The following DERL2 variants were observed in gnomAD, a reference collection of about 807,000 sequenced individuals.
DERL2 encodes the protein derlin 2, also known as derlin-2.
Under a neutral mutation model 32.0 loss-of-function variants are expected in DERL2, and 13 were observed. That is an observed-to-expected ratio of 0.41 (90% confidence interval 0.26 to 0.65). DERL2 has a LOEUF of 0.65. DERL2 is among the 30% of genes least tolerant of loss of function. The probability of loss-of-function intolerance (pLI) is 0.35; values close to 1 mark genes in which losing one functional copy is unlikely to be tolerated. For missense variants in DERL2, 208 were observed against 296.3 expected, an observed-to-expected ratio of 0.70 and a Z score of 2.19; for synonymous variants, 111 against 104.7, an observed-to-expected ratio of 1.06 and a Z score of -0.37.
intron 6 of DERL2, among the ~76,000 whole-genome samples, chr17:5,479,136 T>C (rs920784591): frequency 4.6e-5 from 7 of 152,160 alleles, no homozygotes; most frequent in African/African-American, 1.4e-4. Context: ...GCAGTGGCTA[T>C]GTTAAAGGCC....
chr17:5,486,227 C>T (rs1178529321), upstream of DERL2: 13 of 1,228,332 alleles, frequency 1.1e-5, no homozygotes, highest in Middle Eastern at 1.0e-3. Context: ...CAGGCCCCGG[C>T]GGCGGGGCGG....
intron 1 of DERL2, 102 bp downstream of exon 1, chr17:5,485,967 G>A (rs370284814): frequency 5.6e-6 from 6 of 1,063,550 alleles, no homozygotes; most frequent in African/African-American, 3.2e-5. Flanking sequence ...CCCATCCCCG[G>A]GACCAGCCCC....
chr17:5,474,711 C>T lies in DERL2; in HGVS notation c.693G>A (p.Trp231Ter). ...LPEERPGGFAWGEGQRLGG is the reference protein window; with the variant it reads ...LPEERPGGFA ...AACCTCCAAGCCGCTGGCCCTCACC[C>T]CAGGCGAAGCCTCCTGGCCGTTCCT... The change falls in exon 7 of 7, where the codon TGG becomes TGA. Residue 231 changes from tryptophan to a stop codon, truncating the protein, a stop_gained. Transcript: ENST00000158771. LOFTEE classifies it high-confidence loss of function. The surrounding 1 kb of genome is among the most constrained non-coding windows in gnomAD (Gnocchi z 4.3). 1 of 1,612,826 alleles carries T rather than the reference C, an allele frequency of 6.2e-7. No individual in the cohort carries two copies. The highest frequency in any genetic ancestry group is 8.5e-7 in the Non-Finnish European group (1 of 1,179,584).
At chr17:5,484,709 A>AT (rs956929866) in intron 2 of DERL2, among the ~76,000 whole-genome samples, 1 of 152,254 alleles carries the variant, frequency 6.6e-6, no homozygotes, top group Non-Finnish European at 1.5e-5. Context: ...GACCATGGTG[A>AT]TAACACCAAG....
intron 6 of DERL2, among the ~76,000 whole-genome samples, chr17:5,478,408 C>CA: frequency 6.6e-6 from 1 of 152,042 alleles, no homozygotes; most frequent in Admixed American, 6.5e-5. Flanking sequence ...GAAATTGTTT[C>CA]AAAACATTTT....
At chr17:5,485,773 T>G in intron 1 of DERL2, 1 of 342,036 alleles carries the variant, frequency 2.9e-6, no homozygotes, top group Non-Finnish European at 5.3e-6. Flanking sequence ...CACCTGGCCA[T>G]TGGCAGAGCT....
At position 5,472,079 on chromosome 17, in the gene DERL2, C is replaced by A. The variant is rs1040573400; in HGVS notation, c.*2605G>T. ...AAATCCATACTGGAAAAAAACGCACCGAAATGTATATAAAATGTATCTCCT... is the reference window on the plus strand; with the variant it reads ...AAATCCATACTGGAAAAAAACGCACAGAAATGTATATAAAATGTATCTCCT... On this transcript the variant is annotated 3_prime_UTR_variant, in exon 7 of 7. Coordinates refer to ENST00000158771, the MANE Select transcript of DERL2 (RefSeq NM_016041.5). 6.6e-6 allele frequency: 1 copy of A among 152,014 alleles called. No homozygotes were observed. Among genetic ancestry groups the A allele is most frequent in the African/African-American group, 2.4e-5 (1 of 41,358 alleles). The allele number at this position is 152,014 out of a possible 1,614,324, so 9.4% of individuals were successfully genotyped here. A position where few individuals can be genotyped will look rare whatever the true frequency, so the allele number is the denominator to read the frequency against.
intron 6 of DERL2, among the ~76,000 whole-genome samples, chr17:5,479,086 C>T (rs1293504560): frequency 6.6e-6 from 1 of 152,138 alleles, no homozygotes; most frequent in Non-Finnish European, 1.5e-5. Flanking sequence ...TCTCAAAGTG[C>T]TGGGATTACA....
chr17:5,479,484 T>C (rs1411541394), intron 6 of DERL2, among the ~76,000 whole-genome samples: 1 of 108,964 alleles, frequency 9.2e-6, no homozygotes, highest in Non-Finnish European at 1.7e-5. Flanking sequence ...GGTAACAGAG[T>C]GAGACTCCAT....
Position 5,473,653 on chromosome 17 carries a change from G to GAA in DERL2, c.*1030_*1031insTT, listed in dbSNP as rs1351627753. The GAA allele has an allele frequency of 1.1e-5, 1 of 87,010 alleles. No homozygotes were observed. The highest frequency in any genetic ancestry group is 6.6e-5 in the African/African-American group (1 of 15,156). The allele number at this position is 87,010 out of a possible 1,614,324, so 5.4% of individuals were successfully genotyped here. On this transcript the variant is annotated 3_prime_UTR_variant, in exon 7 of 7. Transcript: ENST00000158771. ...CAAAAAACAAAACAAAACAAAAAAG[G>GAA]CAAAAAAAAAAAAAATGGCTGGGCA... is the stretch of plus-strand genomic sequence containing the variant.
At position 5,472,710 on chromosome 17, in the gene DERL2, G is replaced by A. The variant is rs1458305167; in HGVS notation, c.*1974C>T. The stretch of plus-strand genomic sequence containing the variant: ...TTTTACCACAAAAATGCCATTCATT[G>A]CATAACTCCAACTCAGGGAGAACAA... On this transcript the variant is annotated 3_prime_UTR_variant, in exon 7 of 7. Coordinates refer to ENST00000158771, the MANE Select transcript of DERL2 (RefSeq NM_016041.5). The A allele has an allele frequency of 2.6e-5, 4 of 151,856 alleles. No homozygotes were observed. In the Middle Eastern group the frequency reaches 0.014, roughly 517 times the overall value. The allele number at this position is 151,856 out of a possible 1,614,324, so 9.4% of individuals were successfully genotyped here.
chr17:5,474,562 C>T lies in DERL2; in HGVS notation c.*122G>A, dbSNP rs1905269206. On this transcript the variant is annotated 3_prime_UTR_variant, in exon 7 of 7. Transcript: ENST00000158771. This position sits in a 1 kb window ranked among gnomAD's most constrained non-coding sequence, Gnocchi z 4.3. ...AGTCAGTGTACCATTTCATAAAGTG[C>T]TTCTGGAGTTAAAATCTGCCAAGCT... 1 of 702,784 alleles carries T rather than the reference C, an allele frequency of 1.4e-6. No individual in the cohort carries two copies. The highest frequency in any genetic ancestry group is 2.4e-6 in the Non-Finnish European group (1 of 414,880). The allele number at this position is 702,784 out of a possible 1,614,324, so 43.5% of individuals were successfully genotyped here. A position where few individuals can be genotyped will look rare whatever the true frequency, so the allele number is the denominator to read the frequency against.
chr17:5,481,423 C>A lies in DERL2; in HGVS notation c.234-34G>T, dbSNP rs77303673. The A allele has an allele frequency of 1.4e-6, 2 of 1,442,840 alleles. No individual in the cohort carries two copies. Among genetic ancestry groups the A allele is most frequent in the Non-Finnish European group, 1.9e-6 (2 of 1,028,408 alleles). 89.4% of individuals were successfully genotyped at this position (1,442,840 alleles called of 1,614,324 possible). A position where few individuals can be genotyped will look rare whatever the true frequency, so the allele number is the denominator to read the frequency against. ...CCAAGTTAAGAAAATATTAAGCACA[C>A]GAATATGAACAAAGTAAAAATTTAA... On this transcript the variant is annotated intron_variant, in intron 3 of 6. Coordinates refer to ENST00000158771, the MANE Select transcript of DERL2 (RefSeq NM_016041.5). The surrounding 1 kb of genome is among the most constrained non-coding windows in gnomAD (Gnocchi z 4.4).
intron 6 of DERL2, among the ~76,000 whole-genome samples, chr17:5,475,155 T>C (rs1905302827): frequency 6.6e-6 from 1 of 152,244 alleles, no homozygotes; most frequent in South Asian, 2.1e-4. Flanking sequence ...TTTTGTAACC[T>C]GACTTTCACA....
Position 5,474,755 on chromosome 17 carries a change from T to C in DERL2, c.649A>G (p.Asn217Asp). ...AIFDTPDEDP[N>D]YNPLPEERPG... ...CGTTCCTCAGGTAGTGGATTGTAAT[T>C]TGGATCCTCATCTGGTGTATCAAAA... is the stretch of plus-strand genomic sequence containing the variant. The change falls in exon 7 of 7, where the codon AAT becomes GAT. Residue 217 changes from asparagine to aspartate, a missense_variant. Asn to Asp is a conservative substitution (Grantham distance 23). Coordinates refer to ENST00000158771, the MANE Select transcript of DERL2 (RefSeq NM_016041.5). The surrounding 1 kb of genome is among the most constrained non-coding windows in gnomAD (Gnocchi z 4.3). 1.2e-6 allele frequency: 2 copies of C among 1,613,954 alleles called. No individual in the cohort carries two copies. Among genetic ancestry groups the C allele is most frequent in the Non-Finnish European group, 1.7e-6 (2 of 1,179,934 alleles).
chr17:5,476,048 G>GCACA (rs1905361752), intron 6 of DERL2, among the ~76,000 whole-genome samples: 1 of 152,098 alleles, frequency 6.6e-6, no homozygotes, highest in Non-Finnish European at 1.5e-5. Flanking sequence ...AGTTAAGATG[G>GCACA]TGAATTTTAT....
Position 5,481,148 on chromosome 17 carries a change from T to C in DERL2, c.327+148A>G, listed in dbSNP as rs1308736771. The C allele has an allele frequency of 1.4e-6, 1 of 710,888 alleles. No homozygotes were observed. The highest frequency in any genetic ancestry group is 1.8e-5 in the African/African-American group (1 of 55,140). The allele number at this position is 710,888 out of a possible 1,614,324, so 44.0% of individuals were successfully genotyped here. ...TTGCTCATCCTGTCCGACTGCTAGG[T>C]TTGGAAACTTGTCACAGAAAATGTG... On this transcript the variant is annotated intron_variant, in intron 4 of 6. Coordinates refer to ENST00000158771, the MANE Select transcript of DERL2 (RefSeq NM_016041.5). The surrounding 1 kb of genome is among the most constrained non-coding windows in gnomAD (Gnocchi z 4.4).
At position 5,480,164 on chromosome 17, in the gene DERL2, A is replaced by T. The variant is rs1332760110; in HGVS notation, c.524-20T>A. 1 of 1,529,262 alleles carries T rather than the reference A, an allele frequency of 6.5e-7. No homozygotes were observed. The highest frequency in any genetic ancestry group is 9.0e-7 in the Non-Finnish European group (1 of 1,107,468). 94.7% of individuals were successfully genotyped at this position (1,529,262 alleles called of 1,614,324 possible). ...CAATACCTAGAGTCAAGCAGAAATA[A>T]AGGATGAGGGAGAGAATTAAAATTT... On this transcript the variant is annotated intron_variant, in intron 5 of 6. Transcript: ENST00000158771.
chr17:5,476,638 G>T (rs1295867674), intron 6 of DERL2, among the ~76,000 whole-genome samples: 1 of 152,044 alleles, frequency 6.6e-6, no homozygotes, highest in South Asian at 2.1e-4. Flanking sequence ...AAAATTAGCC[G>T]GGTGTGGTGG....
Sources: allele counts gnomAD v4.1 joint callset (sites outside exome capture counted in the v4.1 genomes callset), GRCh38; gene constraint gnomAD v4.1.1; non-coding constraint Gnocchi (gnomAD v3.1); transcripts MANE v1.5; gene names NCBI Gene and HGNC (gene_info 2026-07-23, HGNC 2026-07-21).